The following FBN3 variants were observed in gnomAD, a reference collection of about 807,000 sequenced individuals.
The protein encoded by FBN3 is fibrillin 3.
A neutral mutation model predicts 330.1 loss-of-function variants in FBN3; 234 were observed. The observed-to-expected ratio is 0.71, with a 90% CI of 0.64 to 0.79. FBN3 has a LOEUF of 0.79. Ranked by LOEUF, FBN3 falls within the 30% of genes least tolerant of loss-of-function variation. FBN3 has a pLI of 0.00. For synonymous variants in FBN3, 1,458 were observed against 1,517.3 expected, an observed-to-expected ratio of 0.96 and a Z score of 0.91; for missense variants, 3,606 against 3,886.9, an observed-to-expected ratio of 0.93 and a Z score of 1.92.
At chr19:8,088,331 T>A in intron 51 of FBN3, 152 bp from the exon 52 acceptor site, 1 of 910,902 alleles carries the variant, frequency 1.1e-6, no homozygotes, top group Non-Finnish European at 1.6e-6. Flanking sequence ...CGGTATGTGT[T>A]TAGTGAATGA....
Position 8,100,947 on chromosome 19 carries a change from A to G in FBN3, c.5115T>C (p.Asn1705=). The change falls in exon 41 of 64, where the codon AAT becomes AAC. Residue 1705 remains asparagine (N), a synonymous_variant. Coordinates refer to ENST00000600128, the MANE Select transcript of FBN3 (RefSeq NM_032447.5). ...ISPDYQILCG[N]QAPGFLTDIH... ...TGTCAGTGAGGAATCCCGGGGCCTG[A>G]TTTCCACACAGGATCTGGTAGTCAG... 6.2e-7 allele frequency: 1 copy of G among 1,613,862 alleles called. No individual in the cohort carries two copies. The highest frequency in any genetic ancestry group is 8.5e-7 in the Non-Finnish European group (1 of 1,179,902).
At chr19:8,146,091 T>A in intron 4 of FBN3, 36 bp downstream of exon 4, 1 of 1,551,208 alleles carries the variant, frequency 6.4e-7, no homozygotes, top group Non-Finnish European at 8.7e-7. Flanking sequence ...CCTGTGAACT[T>A]CTTCTCCCTC....
chr19:8,105,269 T>C (rs1432609752), intron 38 of FBN3, among the ~76,000 whole-genome samples: 2 of 151,446 alleles, frequency 1.3e-5, no homozygotes, highest in African/African-American at 2.4e-5. Context: ...TTCTTTTTTT[T>C]TTTTTTAAGA....
rs201582980 is a variant in FBN3 at position 8,110,866 on chromosome 19, G to A, written c.4312C>T (p.Arg1438Ter). 84 of 1,614,036 alleles carry A rather than the reference G, an allele frequency of 5.2e-5. No homozygotes were observed. Among genetic ancestry groups the A allele is most frequent in the African/African-American group, 2.9e-4 (22 of 74,908 alleles). The part of the protein sequence containing the change: ...CICNGGYELD[R>*]GGGNCTDINE... ...ACACCTGTGCAGTTGCCACCCCCTC[G>A]GTCCAGTTCGTAGCCACCATTGCAG... is the stretch of plus-strand genomic sequence containing the variant. Residue 1438 changes from arginine (R) to a stop codon, truncating the protein, a stop_gained, in exon 34 of 64, where the codon CGA becomes TGA. Coordinates refer to ENST00000600128, the MANE Select transcript of FBN3 (RefSeq NM_032447.5). LOFTEE classifies it high-confidence loss of function.
chr19:8,082,675 G>A (rs542907562), intron 57 of FBN3, among the ~76,000 whole-genome samples: 9 of 151,864 alleles, frequency 5.9e-5, no homozygotes, highest in African/African-American at 2.2e-4. Context: ...CGTATTTTTA[G>A]CAGAGATGGG....
intron 63 of FBN3, among the ~76,000 whole-genome samples, chr19:8,070,455 G>A (rs1327031579): frequency 6.6e-6 from 1 of 152,186 alleles, no homozygotes; most frequent in African/African-American, 2.4e-5. Flanking sequence ...TCTGTGGAGT[G>A]AAGAAGCTTC....
At chr19:8,087,710 G>C in intron 53 of FBN3, 115 bp downstream of exon 53, 3 of 886,086 alleles carry the variant, frequency 3.4e-6, no homozygotes, top group Non-Finnish European at 5.2e-6. Context: ...AGGTTCAAGC[G>C]ATTCTCCTGT....
intron 10 of FBN3, among the ~76,000 whole-genome samples, chr19:8,137,495 T>A (rs888636436): frequency 2.1e-4 from 32 of 152,006 alleles, no homozygotes; most frequent in African/African-American, 7.7e-4. Flanking sequence ...ATGCCCAGAC[T>A]CCCACTCTGG....
chr19:8,123,452 G>T lies in FBN3; in HGVS notation c.3082+12C>A. 1 of 1,612,916 alleles carries T rather than the reference G, an allele frequency of 6.2e-7. No individual in the cohort carries two copies. Among genetic ancestry groups the T allele is most frequent in the South Asian group, 1.1e-5 (1 of 90,858 alleles). ...GATCACGCTCTCTCCAAGAGGCAGA[G>T]GTGGCACCTACCTGTGCAGTTCCGT... On this transcript the variant is annotated intron_variant, in intron 24 of 63. Coordinates refer to ENST00000600128, the MANE Select transcript of FBN3 (RefSeq NM_032447.5).
At chr19:8,125,647 T>A (rs548274335) in intron 22 of FBN3, among the ~76,000 whole-genome samples, 3 of 151,690 alleles carry the variant, frequency 2.0e-5, no homozygotes, top group African/African-American at 7.3e-5. Flanking sequence ...AAAAATTAGC[T>A]GGGCGTGGTG....
Position 8,144,905 on chromosome 19 carries a change from A to C in FBN3, c.513T>G (p.Tyr171Ter). The change falls in exon 6 of 64, where the codon TAT becomes TAG. Residue 171 changes from tyrosine (Y) to a stop codon, truncating the protein, a stop_gained. Coordinates refer to ENST00000600128, the MANE Select transcript of FBN3 (RefSeq NM_032447.5). LOFTEE classifies it high-confidence loss of function. ...CIGPNRCACV[Y>*]GFMGPQCERD... is the part of the protein sequence containing the mutation. ...TCTCACATTGAGGTCCCATGAAGCCATACACACAGGCGCAGCGGTTGGGCC... is the reference window on the plus strand; with the variant it reads ...TCTCACATTGAGGTCCCATGAAGCCCTACACACAGGCGCAGCGGTTGGGCC... 6.2e-7 allele frequency: 1 copy of C among 1,612,080 alleles called. No individual in the cohort carries two copies. Among genetic ancestry groups the C allele is most frequent in the Non-Finnish European group, 8.5e-7 (1 of 1,179,518 alleles).
At chr19:8,097,229 C>T (rs1318306947) in intron 42 of FBN3, 60 bp downstream of exon 42, 2 of 1,568,424 alleles carry the variant, frequency 1.3e-6, no homozygotes, top group South Asian at 1.2e-5. Flanking sequence ...GCCCAGATTG[C>T]ACAGTGGCGG....
In FBN3 at chr19:8,097,355, T is replaced by A; in HGVS notation, c.5221A>T (p.Ile1741Phe). Residue 1741 changes from isoleucine to phenylalanine, a missense_variant, in exon 42 of 64, where the codon ATC (isoleucine) becomes TTC (phenylalanine). Physicochemically the swap from Ile to Phe is conservative, Grantham distance 21. Coordinates refer to ENST00000600128, the MANE Select transcript of FBN3 (RefSeq NM_032447.5). ...GGGCACTCGCAGCGGAAACTCCCGA[T>A]CTGGTTTATGCAGATGCCATTGGCA... ...ICANGICINQIGSFRCECPAG... is the reference protein window; with the variant it reads ...ICANGICINQFGSFRCECPAG... 2 of 1,610,982 alleles carry A rather than the reference T, an allele frequency of 1.2e-6. No homozygotes were observed. The highest frequency in any genetic ancestry group is 1.7e-6 in the Non-Finnish European group (2 of 1,177,968).
chr19:8,078,801 T>TG (rs1409914318), intron 59 of FBN3, among the ~76,000 whole-genome samples: 11 of 151,794 alleles, frequency 7.2e-5, no homozygotes, highest in African/African-American at 2.4e-4. Context: ...CTTTTTTTTT[T>TG]TTTTGAGTCT....
At position 8,147,355 on chromosome 19, in the gene FBN3, A is replaced by G. The variant is rs1292887511; in HGVS notation, c.126T>C (p.Pro42=). The G allele has an allele frequency of 6.2e-7, 1 of 1,602,334 alleles. No homozygotes were observed. Among genetic ancestry groups the G allele is most frequent in the Non-Finnish European group, 8.5e-7 (1 of 1,176,334 alleles). ...RWDGALEAAG[P]GRVRRRGSPG... Reference sequence around the variant, plus strand: ...GGCTGCCCCGCCTCCGCACACGTCCAGGACCTGCAGCCTCCAAGGCCCCGT... The same window carrying G: ...GGCTGCCCCGCCTCCGCACACGTCCGGGACCTGCAGCCTCCAAGGCCCCGT... Residue 42 remains proline (P), a synonymous_variant, in exon 2 of 64, where the codon CCT becomes CCC. Coordinates refer to ENST00000600128, the MANE Select transcript of FBN3 (RefSeq NM_032447.5).
chr19:8,116,789 C>A lies in FBN3; in HGVS notation c.3597G>T (p.Glu1199Asp). ...PDGRACADVD[E>D]CEENPRVCDQ... ...CACAAACGCGGGGGTTCTCTTCACACTCGTCCACGTCTGGGGGAGCAGGGT... is the reference window on the plus strand; with the variant it reads ...CACAAACGCGGGGGTTCTCTTCACAATCGTCCACGTCTGGGGGAGCAGGGT... Residue 1199 changes from glutamate to aspartate, a missense_variant, in exon 29 of 64, where the codon GAG (glutamate) becomes GAT (aspartate). Transcript: ENST00000600128. The A allele has an allele frequency of 2.5e-6, 4 of 1,613,940 alleles. No homozygotes were observed. The highest frequency in any genetic ancestry group is 3.4e-6 in the Non-Finnish European group (4 of 1,179,904).
intron 37 of FBN3, among the ~76,000 whole-genome samples, chr19:8,107,540 G>A (rs909154647): frequency 2.6e-5 from 4 of 151,106 alleles, no homozygotes; most frequent in East Asian, 2.0e-4. Context: ...TGGATGAATG[G>A]ATGGATGGTC....
rs768657104 is a variant in FBN3, at chr19:8,087,068, G to T, written c.6754+9C>A. 6.2e-7 allele frequency: 1 copy of T among 1,604,776 alleles called. No homozygotes were observed. Among genetic ancestry groups the T allele is most frequent in the Non-Finnish European group, 8.5e-7 (1 of 1,178,420 alleles). On this transcript the variant is annotated intron_variant, in intron 54 of 63. Transcript: ENST00000600128. ...TTTCCTGCACCCATGAAGCTCCAGT[G>T]CCCCATACCTGTGCAGCCCTCCCCA...
intron 6 of FBN3, among the ~76,000 whole-genome samples, chr19:8,143,817 TTC>T (rs1491029741): frequency 9.0e-5 from 13 of 145,054 alleles, no homozygotes; most frequent in Middle Eastern, 3.5e-3. Flanking sequence ...CTTTCTTTCT[TTC>T]TTTTTTTTTT....
Sources: gnomAD v4.1 joint callset for allele counts (sites outside exome capture counted in the v4.1 genomes callset) on GRCh38, gnomAD v4.1.1 for gene constraint, MANE v1.5 for transcripts, NCBI Gene and HGNC (gene_info 2026-07-23, HGNC 2026-07-21) for gene names.